OTUD7A: variants seen among roughly 807,000 people sequenced by gnomAD.
The protein encoded by OTUD7A is OTU domain-containing protein 7A.
Under a neutral mutation model 65.7 loss-of-function variants are expected in OTUD7A, and 12 were observed. The ratio of observed to expected loss-of-function variants is 0.18; its 90% CI spans 0.12 to 0.30. The LOEUF is 0.30. OTUD7A is among the 10% of genes least tolerant of loss of function. The pLI, the probability that OTUD7A is intolerant of heterozygous loss-of-function variation, is 1.00. For missense variants in OTUD7A, 1,148 were observed against 1,304.8 expected, an observed-to-expected ratio of 0.88 and a Z score of 1.85; for synonymous variants, 641 against 586.3, an observed-to-expected ratio of 1.09 and a Z score of -1.35.
intron 1 of OTUD7A, among the ~76,000 whole-genome samples, chr15:31,663,385 T>C (rs1227216016): frequency 1.3e-5 from 2 of 152,142 alleles, no homozygotes; most frequent in Non-Finnish European, 1.5e-5. Flanking sequence ...TATCAACCCA[T>C]CACCTGGGTA....
intron 3 of OTUD7A, among the ~76,000 whole-genome samples, chr15:31,581,389 C>T (rs1889365751): frequency 6.6e-6 from 1 of 152,240 alleles, no homozygotes; most frequent in Non-Finnish European, 1.5e-5. Context: ...CACAGCTCCA[C>T]TGGGCAGTGC....
At chr15:31,678,880 T>C (rs1216952403) in intron 1 of OTUD7A, among the ~76,000 whole-genome samples, 2 of 152,192 alleles carry the variant, frequency 1.3e-5, no homozygotes, top group Non-Finnish European at 2.9e-5. Flanking sequence ...GATCCCAGAA[T>C]CGTAGATCCA....
chr15:31,537,812 G>A (rs976244949), intron 5 of OTUD7A, among the ~76,000 whole-genome samples: 8 of 152,204 alleles, frequency 5.3e-5, no homozygotes, highest in African/African-American at 1.9e-4. Flanking sequence ...CTAGTGCTCT[G>A]GGCAACCATC....
rs182251677 is a variant in OTUD7A, at chr15:31,615,281, T to A, written c.151+39815A>T. 1.6e-3 allele frequency among the ~76,000 whole-genome samples: 250 copies of A among 152,278 alleles called. 1 individual carries two copies. The highest frequency in any genetic ancestry group is 5.8e-3 in the African/African-American group (241 of 41,570). ...ACAAAGGTTGAAAGTAGAATGATTT[T>A]AAAAATATATCATGCAAACACTAAT... is the stretch of plus-strand genomic sequence containing the variant. On this transcript the variant is annotated intron_variant, in intron 3 of 12. Coordinates refer to ENST00000307050, the MANE Select transcript of OTUD7A (RefSeq NM_001382637.1).
At chr15:31,518,719 TGA>T (rs1350324743) in intron 8 of OTUD7A, among the ~76,000 whole-genome samples, 2 of 152,246 alleles carry the variant, frequency 1.3e-5, no homozygotes, top group Non-Finnish European at 2.9e-5. Context: ...GCAGCATTTC[TGA>T]GAGGTGTGCC....
intron 1 of OTUD7A, among the ~76,000 whole-genome samples, chr15:31,801,682 G>A (rs901478050): frequency 6.6e-6 from 1 of 152,148 alleles, no homozygotes; most frequent in Non-Finnish European, 1.5e-5. Flanking sequence ...GTGTATGTGT[G>A]TATGCAAGAA....
At chr15:31,721,155 A>G (rs1893727153) in intron 1 of OTUD7A, among the ~76,000 whole-genome samples, 1 of 152,284 alleles carries the variant, frequency 6.6e-6, no homozygotes, top group African/African-American at 2.4e-5. Flanking sequence ...CCTGTGGTCA[A>G]GCAACACATG....
chr15:31,522,485 G>GT (rs1297404410), intron 8 of OTUD7A, among the ~76,000 whole-genome samples: 2 of 152,186 alleles, frequency 1.3e-5, no homozygotes, highest in African/African-American at 4.8e-5. Flanking sequence ...CCATAATCAC[G>GT]TGAGCCAATA....
intron 10 of OTUD7A, among the ~76,000 whole-genome samples, chr15:31,490,174 A>C (rs142256786): frequency 6.6e-6 from 1 of 152,158 alleles, no homozygotes; most frequent in African/African-American, 2.4e-5. Flanking sequence ...ACATTTCCCT[A>C]TTGGAAACCT....
At chr15:31,840,565 C>T (rs144531019) in intron 1 of OTUD7A, among the ~76,000 whole-genome samples, 23 of 152,334 alleles carry the variant, frequency 1.5e-4, no homozygotes, top group African/African-American at 5.3e-4. Flanking sequence ...TATCAAGCGT[C>T]CTTTAATGTT....
chr15:31,509,770 A>G (rs549879578), intron 8 of OTUD7A, among the ~76,000 whole-genome samples: 171 of 131,872 alleles, frequency 1.3e-3, no homozygotes, highest in Non-Finnish European at 2.0e-3. Context: ...TATTTTTTGC[A>G]TAAATTTTTT....
intron 3 of OTUD7A, among the ~76,000 whole-genome samples, chr15:31,589,768 T>C (rs779993859): frequency 1.3e-5 from 2 of 152,170 alleles, no homozygotes; most frequent in Admixed American, 6.5e-5. Flanking sequence ...CTAAATTGTG[T>C]ACTCAACTAT....
intron 1 of OTUD7A, among the ~76,000 whole-genome samples, chr15:31,792,501 T>C (rs1203584746): frequency 6.6e-6 from 1 of 152,154 alleles, no homozygotes; most frequent in African/African-American, 2.4e-5. Context: ...CATCCTGCAC[T>C]GAGACACACT....
chr15:31,866,793 A>G (rs1164500651), intron 1 of OTUD7A, among the ~76,000 whole-genome samples: 3 of 152,220 alleles, frequency 2.0e-5, no homozygotes, highest in South Asian at 2.1e-4. Flanking sequence ...ACAGTGTTCA[A>G]TCAAGGTGAA....
intron 3 of OTUD7A, among the ~76,000 whole-genome samples, chr15:31,595,241 C>G (rs1889868279): frequency 6.6e-6 from 1 of 152,180 alleles, no homozygotes; most frequent in African/African-American, 2.4e-5. Flanking sequence ...AAGATTTTAC[C>G]TTGGAAGAGA....
intron 1 of OTUD7A, among the ~76,000 whole-genome samples, chr15:31,723,137 C>T (rs1893787174): frequency 6.6e-6 from 1 of 152,152 alleles, no homozygotes; most frequent in African/African-American, 2.4e-5. Flanking sequence ...GGACCTGGAG[C>T]CCAGCCAGAA....
rs775111666 is a variant in OTUD7A, at chr15:31,484,309, G to T, written c.1787C>A (p.Pro596Gln). 6.3e-7 allele frequency: 1 copy of T among 1,597,374 alleles called. No individual in the cohort carries two copies. The stretch of plus-strand genomic sequence containing the variant: ...GCCCGCTGCCTTGTCTGTGGGCGAC[G>T]GCGTGGTCTTTTCCGACGGCGACGT... ...ASTSPSEKTTPSPTDKAAGAS... is the reference protein window; with the variant it reads ...ASTSPSEKTTQSPTDKAAGAS... Residue 596 changes from proline to glutamine, a missense_variant, in exon 13 of 13, where the codon CCG becomes CAG. By Grantham distance (76) the Pro-to-Gln change is moderately conservative. Transcript: ENST00000307050. This position sits in a 1 kb window ranked among gnomAD's most constrained non-coding sequence, Gnocchi z 4.5.
At chr15:31,863,715 C>CTCAT (rs1897805947) in intron 1 of OTUD7A, among the ~76,000 whole-genome samples, 1 of 152,184 alleles carries the variant, frequency 6.6e-6, no homozygotes, top group South Asian at 2.1e-4. Context: ...GAGGGGCTGC[C>CTCAT]ATGAAGGTCT....
chr15:31,684,086 G>A (rs934259605), intron 1 of OTUD7A, among the ~76,000 whole-genome samples: 1 of 152,228 alleles, frequency 6.6e-6, no homozygotes, highest in South Asian at 2.1e-4. Context: ...AAACGATTTT[G>A]CTACTGGCCA....
Sources: allele counts gnomAD v4.1 joint callset (sites outside exome capture counted in the v4.1 genomes callset), GRCh38; gene constraint gnomAD v4.1.1; non-coding constraint Gnocchi (gnomAD v3.1); transcripts MANE v1.5; gene names NCBI Gene and HGNC (gene_info 2026-07-23, HGNC 2026-07-21).